Variants in DPH5 observed in about 807,000 individuals in gnomAD.
DPH5 encodes the protein diphthamide biosynthesis 5.
A neutral mutation model predicts 31.6 loss-of-function variants in DPH5; 31 were observed. The observed-to-expected ratio is 0.98, with a 90% CI of 0.74 to 1.32. The LOEUF is 1.32. DPH5 is among the 40% of genes most tolerant of loss of function. The pLI, the probability that DPH5 is intolerant of heterozygous loss-of-function variation, is 0.00. For synonymous variants in DPH5, 120 were observed against 115.0 expected, an observed-to-expected ratio of 1.04 and a Z score of -0.28; for missense variants, 309 against 335.7, an observed-to-expected ratio of 0.92 and a Z score of 0.62.
At chr1:101,006,140 T>C (rs1016007032) in intron 4 of DPH5, among the ~76,000 whole-genome samples, 8 of 152,364 alleles carry the variant, frequency 5.3e-5, no homozygotes, top group African/African-American at 1.7e-4. Context: ...CCACAGTTTA[T>C]TGACCTCAAA....
At chr1:101,004,773 G>A (rs1270483338) in intron 4 of DPH5, among the ~76,000 whole-genome samples, 1 of 152,194 alleles carries the variant, frequency 6.6e-6, no homozygotes, top group Non-Finnish European at 1.5e-5. Context: ...CAAGGCGTAA[G>A]CTAGACCTTG....
intron 5 of DPH5, among the ~76,000 whole-genome samples, chr1:100,997,888 C>T (rs928480586): frequency 3.3e-5 from 5 of 152,206 alleles, no homozygotes; most frequent in Middle Eastern, 3.2e-3. Flanking sequence ...CTTTGACCTT[C>T]TACCCACAGC....
chr1:101,022,492 G>A (rs1660528659), intron 2 of DPH5, among the ~76,000 whole-genome samples: 1 of 152,124 alleles, frequency 6.6e-6, no homozygotes, highest in Non-Finnish European at 1.5e-5. Flanking sequence ...ATCTGATAGT[G>A]GTTACGGGCT....
chr1:100,992,490 G>T, intron 7 of DPH5, 147 bp downstream of exon 7: 1 of 540,650 alleles, frequency 1.8e-6, no homozygotes, highest in Non-Finnish European at 3.1e-6. Flanking sequence ...TGGGATTTAA[G>T]TTAAAGTTGG....
At position 101,001,526 on chromosome 1, in the gene DPH5, C is replaced by A; in HGVS notation, c.431G>T (p.Ser144Ile). Residue 144 changes from serine (S) to isoleucine (I), a missense_variant, in exon 5 of 8, where the codon AGC (serine) becomes ATC (isoleucine). By Grantham distance (142) the Ser-to-Ile change is moderately radical (BLOSUM62 -2). Transcript: ENST00000370109. ...VFWTDTWRPE[S>I]FFDKVKKNRQ... Reference sequence around the variant, plus strand: ...GTTCTTCTTCACTTTGTCAAAGAAGCTTTCTGGTCTCCAAGTGTCTGTCCA... The same window carrying A: ...GTTCTTCTTCACTTTGTCAAAGAAGATTTCTGGTCTCCAAGTGTCTGTCCA... 1 of 1,612,038 alleles carries A rather than the reference C, an allele frequency of 6.2e-7. No individual in the cohort carries two copies. The highest frequency in any genetic ancestry group is 8.5e-7 in the Non-Finnish European group (1 of 1,178,240).
intron 4 of DPH5, among the ~76,000 whole-genome samples, chr1:101,004,254 C>G (rs1053122924): frequency 6.6e-6 from 1 of 152,144 alleles, no homozygotes; most frequent in Non-Finnish European, 1.5e-5. Context: ...ATGTCAATAC[C>G]TCAAAGAACA....
chr1:100,991,897 A>G (rs1372360753), intron 7 of DPH5, among the ~76,000 whole-genome samples: 6 of 151,746 alleles, frequency 4.0e-5, no homozygotes, highest in Non-Finnish European at 8.8e-5. Flanking sequence ...GCTTGAGCCA[A>G]GGAATTCGAG....
intron 4 of DPH5, chr1:101,011,560 C>T (rs565606517): frequency 1.6e-4 from 24 of 152,316 alleles, no homozygotes; most frequent in African/African-American, 5.5e-4. Flanking sequence ...TACCTTCACC[C>T]AATTTAGACA....
At position 100,992,744 on chromosome 1, in the gene DPH5, T is replaced by C. The variant is rs200917119; in HGVS notation, c.531-4A>G. 6.5e-5 allele frequency: 104 copies of C among 1,605,752 alleles called. 1 individual carries two copies. The East Asian group carries it at 2.2e-3, about 33-fold the overall frequency. On this transcript the variant is annotated splice_region_variant and splice_polypyrimidine_tract_variant and intron_variant, in intron 6 of 7. Transcript: ENST00000370109. ...AGGTTCATAGATCTTCCTTCCCCTA[T>C]AGGCAGAAAACTAGATGCCACTGTT...
In DPH5 at chr1:101,001,604, T is replaced by C; in HGVS notation, c.370-17A>G. The C allele has an allele frequency of 6.6e-7, 1 of 1,508,022 alleles. No homozygotes were observed. The highest frequency in any genetic ancestry group is 9.1e-7 in the Non-Finnish European group (1 of 1,097,440). The allele number at this position is 1,508,022 out of a possible 1,614,324, so 93.4% of individuals were successfully genotyped here. ...CTTATATAACTAGAAAAAAAAACAT[T>C]AATTAATGATGGAACAATTAACTAC... On this transcript the variant is annotated splice_polypyrimidine_tract_variant and intron_variant, in intron 4 of 7. Coordinates refer to ENST00000370109, the MANE Select transcript of DPH5 (RefSeq NM_015958.3).
At chr1:100,994,418 C>A (rs183617231) in intron 6 of DPH5, among the ~76,000 whole-genome samples, 1 of 152,160 alleles carries the variant, frequency 6.6e-6, no homozygotes, top group East Asian at 1.9e-4. Flanking sequence ...TTAGACACTG[C>A]CTCTCTAAGT....
At chr1:100,991,850 A>C (rs542753213) in intron 7 of DPH5, among the ~76,000 whole-genome samples, 51 of 150,908 alleles carry the variant, frequency 3.4e-4, no homozygotes, top group Admixed American at 2.1e-3. Flanking sequence ...TAATCCCAAC[A>C]CTTTGGGAGG....
intron 1 of DPH5, 64 bp from the exon 2 acceptor site, chr1:101,025,530 A>G: frequency 6.6e-7 from 1 of 1,524,866 alleles, no homozygotes; most frequent in South Asian, 1.2e-5. Context: ...TCTAGTGATG[A>G]ACACGATGAC....
intron 3 of DPH5, among the ~76,000 whole-genome samples, chr1:101,020,249 C>A (rs922671983): frequency 6.6e-6 from 1 of 152,168 alleles, no homozygotes; most frequent in Non-Finnish European, 1.5e-5. Context: ...CAAGTTCCAG[C>A]TCCTCCATAA....
chr1:101,015,377 A>G (rs944361446), intron 3 of DPH5, among the ~76,000 whole-genome samples: 6 of 152,236 alleles, frequency 3.9e-5, no homozygotes, highest in Non-Finnish European at 7.3e-5. Context: ...GTCAATGGCA[A>G]TAATGTTTTG....
chr1:100,997,104 G>A (rs192987134), intron 5 of DPH5, among the ~76,000 whole-genome samples: 388 of 152,286 alleles, frequency 2.5e-3, no homozygotes, highest in Middle Eastern at 0.014. Flanking sequence ...CAACTCAAGA[G>A]CCACATTTCT....
At chr1:101,011,350 C>A (rs1478959115) in intron 4 of DPH5, among the ~76,000 whole-genome samples, 1 of 152,160 alleles carries the variant, frequency 6.6e-6, no homozygotes, top group Non-Finnish European at 1.5e-5. Flanking sequence ...CCTTAAAAGG[C>A]ACCTCCTGTT....
At chr1:101,013,672 T>C in intron 4 of DPH5, 38 bp downstream of exon 4, 2 of 1,325,308 alleles carry the variant, frequency 1.5e-6, no homozygotes, top group Non-Finnish European at 2.1e-6. Context: ...AAAACATTTT[T>C]ATTTAATTCC....
intron 3 of DPH5, 51 bp from the exon 4 acceptor site, chr1:101,013,869 C>T (rs1482013536): frequency 2.1e-6 from 3 of 1,399,444 alleles, no homozygotes; most frequent in Non-Finnish European, 3.0e-6. Context: ...ACTTTTAAGA[C>T]AGTAAAGCTA....
Sources: allele counts gnomAD v4.1 joint callset (sites outside exome capture counted in the v4.1 genomes callset), GRCh38; gene constraint gnomAD v4.1.1; transcripts MANE v1.5; gene names NCBI Gene and HGNC (gene_info 2026-07-23, HGNC 2026-07-21).